The following CDK19 variants were observed in gnomAD, a reference collection of about 807,000 sequenced individuals.
The protein encoded by CDK19 is cyclin-dependent kinase 19.
A neutral mutation model predicts 68.3 loss-of-function variants in CDK19; 20 were observed. The observed-to-expected ratio is 0.29, with a 90% CI of 0.21 to 0.43. The LOEUF (loss-of-function observed/expected upper bound fraction) is 0.43. CDK19 is among the 20% of genes least tolerant of loss of function. The probability of loss-of-function intolerance (pLI) is 1.00; values close to 1 mark genes in which losing one functional copy is unlikely to be tolerated. For synonymous variants in CDK19, 221 were observed against 222.8 expected (o/e 0.99, Z 0.07); for missense variants, 339 against 623.5 (o/e 0.54, Z 4.86).
chr6:110,641,532 T>C (rs1179967725), intron 4 of CDK19, among the ~76,000 whole-genome samples: 1 of 149,728 alleles, frequency 6.7e-6, no homozygotes, highest in Non-Finnish European at 1.5e-5. Context: ...GAGGTGAATG[T>C]TGCAGTGAGC....
intron 2 of CDK19, among the ~76,000 whole-genome samples, chr6:110,716,084 T>A (rs949756679): frequency 1.3e-5 from 2 of 152,164 alleles, no homozygotes; most frequent in African/African-American, 4.8e-5. Flanking sequence ...AATATTATAA[T>A]TTCTCTTCTG....
At chr6:110,779,773 A>T (rs886618915) in intron 1 of CDK19, among the ~76,000 whole-genome samples, 2 of 152,102 alleles carry the variant, frequency 1.3e-5, no homozygotes, top group South Asian at 2.1e-4. Context: ...TAAATTTTTT[A>T]AAATCTCATA....
chr6:110,669,571 A>T (rs1770816992), intron 3 of CDK19, among the ~76,000 whole-genome samples: 2 of 152,220 alleles, frequency 1.3e-5, no homozygotes, highest in African/African-American at 4.8e-5. Context: ...ACTTGAGCCC[A>T]GGAGTTCAAG....
intron 2 of CDK19, among the ~76,000 whole-genome samples, chr6:110,713,473 T>C (rs1199227582): frequency 3.0e-5 from 1 of 33,362 alleles, no homozygotes; most frequent in Non-Finnish European, 6.1e-5. Flanking sequence ...GTGATCCTCT[T>C]GTCTCAAAAA....
At chr6:110,628,953 C>T (rs2114683845) in intron 6 of CDK19, among the ~76,000 whole-genome samples, 1 of 152,288 alleles carries the variant, frequency 6.6e-6, no homozygotes. Context: ...TCCATCACTA[C>T]AGAGTAGAGT....
chr6:110,705,228 CG>C (rs1774356132), intron 2 of CDK19, among the ~76,000 whole-genome samples: 2 of 151,950 alleles, frequency 1.3e-5, no homozygotes, highest in Admixed American at 1.3e-4. Flanking sequence ...TTAGTAGAGA[CG>C]GGGTTTCTCC....
chr6:110,806,111 G>A lies in CDK19; in HGVS notation c.128+8898C>T, dbSNP rs149492298. Among the ~76,000 whole-genome samples, 1,020 of 152,002 alleles carry A rather than the reference G, an allele frequency of 6.7e-3. 6 individuals are homozygous for A. The highest frequency in any genetic ancestry group is 0.011 in the Non-Finnish European group (755 of 67,956). On this transcript the variant is annotated intron_variant, in intron 1 of 12. Transcript: ENST00000368911. ...TCCCAGCACTTTGGGAGGCCGAGGT[G>A]GGCAGATCACCTGAGGTCAAGAGTT... is the stretch of plus-strand genomic sequence containing the variant.
At chr6:110,663,598 C>T (rs570354134) in intron 4 of CDK19, among the ~76,000 whole-genome samples, 2 of 152,284 alleles carry the variant, frequency 1.3e-5, no homozygotes, top group South Asian at 2.1e-4. Context: ...GTGGCACAAT[C>T]GTGGCTCACT....
intron 4 of CDK19, chr6:110,645,995 T>C (rs1780543942): frequency 8.9e-7 from 1 of 1,127,298 alleles, no homozygotes. Flanking sequence ...TCTTCAAGTA[T>C]CTGGGCAAGC....
At chr6:110,731,853 T>A (rs1485460913) in intron 2 of CDK19, among the ~76,000 whole-genome samples, 1 of 152,174 alleles carries the variant, frequency 6.6e-6, no homozygotes, top group African/African-American at 2.4e-5. Flanking sequence ...TGGCAAATCA[T>A]GTATCTCTTC....
chr6:110,753,609 C>G (rs1778631295), intron 1 of CDK19, among the ~76,000 whole-genome samples: 1 of 150,808 alleles, frequency 6.6e-6, no homozygotes, highest in Non-Finnish European at 1.5e-5. Flanking sequence ...TGGTCTCAAA[C>G]TCCTAGGCTC....
At chr6:110,671,701 A>G (rs1771024267) in intron 2 of CDK19, among the ~76,000 whole-genome samples, 1 of 152,174 alleles carries the variant, frequency 6.6e-6, no homozygotes. Flanking sequence ...CAATTCCCAC[A>G]ATGTGGTAAG....
At chr6:110,809,183 C>A (rs2115149938) in intron 1 of CDK19, among the ~76,000 whole-genome samples, 1 of 150,346 alleles carries the variant, frequency 6.7e-6, no homozygotes, top group African/African-American at 2.4e-5. Context: ...CCACTGCACT[C>A]CAGCCTGGGA....
chr6:110,783,892 G>A (rs1314251743), intron 1 of CDK19, among the ~76,000 whole-genome samples: 1 of 151,938 alleles, frequency 6.6e-6, no homozygotes, highest in East Asian at 1.9e-4. Context: ...GGGCACGGTG[G>A]CTCACGCCTG....
intron 2 of CDK19, among the ~76,000 whole-genome samples, chr6:110,682,452 C>A (rs188217554): frequency 9.2e-5 from 14 of 152,316 alleles, no homozygotes; most frequent in Admixed American, 7.8e-4. Context: ...AAAGTTGACA[C>A]TTTCACACCT....
intron 4 of CDK19, among the ~76,000 whole-genome samples, chr6:110,648,643 C>A (rs112320876): frequency 1.3e-5 from 2 of 150,324 alleles, no homozygotes; most frequent in Admixed American, 1.3e-4. Flanking sequence ...CAGGTTCAAG[C>A]GATTCTCCTG....
At chr6:110,698,075 T>TA (rs1219330022) in intron 2 of CDK19, among the ~76,000 whole-genome samples, 1 of 151,766 alleles carries the variant, frequency 6.6e-6, no homozygotes, top group Non-Finnish European at 1.5e-5. Flanking sequence ...AAGATAACCT[T>TA]AAAAAAACCC....
intron 1 of CDK19, among the ~76,000 whole-genome samples, chr6:110,767,026 C>T (rs1039963833): frequency 1.3e-5 from 2 of 151,784 alleles, no homozygotes; most frequent in South Asian, 2.1e-4. Flanking sequence ...CCCAGTTACT[C>T]GGGAGGCTGA....
intron 2 of CDK19, among the ~76,000 whole-genome samples, chr6:110,720,587 C>T (rs1775789134): frequency 6.6e-6 from 1 of 152,132 alleles, no homozygotes; most frequent in Non-Finnish European, 1.5e-5. Flanking sequence ...TCATTTGGGC[C>T]AGGCAAGGGT....
Sources: allele counts gnomAD v4.1 joint callset (sites outside exome capture counted in the v4.1 genomes callset), GRCh38; gene constraint gnomAD v4.1.1; transcripts MANE v1.5; gene names NCBI Gene and HGNC (gene_info 2026-07-23, HGNC 2026-07-21).